Variants in RFX7 observed in about 807,000 individuals in gnomAD.
RFX7 encodes DNA-binding protein RFX7.
A neutral mutation model predicts 111.8 loss-of-function variants in RFX7; 26 were observed. The observed-to-expected ratio is 0.23, with a 90% confidence interval of 0.17 to 0.32. RFX7 has a LOEUF of 0.32. Ranked by LOEUF, RFX7 falls within the 10% of genes least tolerant of loss-of-function variation. The pLI is 1.00. For missense variants in RFX7, 1,573 were observed against 1,772.9 expected, an observed-to-expected ratio of 0.89 and a Z score of 2.02; for synonymous variants, 624 against 624.4, an observed-to-expected ratio of 1.00 and a Z score of 0.01.
At chr15:56,128,030 A>C (rs951156447) in intron 5 of RFX7, among the ~76,000 whole-genome samples, 3 of 152,226 alleles carry the variant, frequency 2.0e-5, no homozygotes, top group South Asian at 4.1e-4. Flanking sequence ...GATAATATAC[A>C]TGAAAGAAAC....
At chr15:56,230,866 G>A (rs1411630068) in intron 2 of RFX7, among the ~76,000 whole-genome samples, 1 of 152,172 alleles carries the variant, frequency 6.6e-6, no homozygotes, top group Admixed American at 6.5e-5. Context: ...AGGCCAAGGT[G>A]GGCAGACCAC....
intron 2 of RFX7, among the ~76,000 whole-genome samples, chr15:56,216,407 T>C (rs1205557316): frequency 6.6e-6 from 1 of 152,206 alleles, no homozygotes; most frequent in Non-Finnish European, 1.5e-5. Flanking sequence ...GTTTTAAAAT[T>C]TATTGGCATC....
At chr15:56,185,531 T>C (rs2043029596) in intron 2 of RFX7, among the ~76,000 whole-genome samples, 1 of 152,184 alleles carries the variant, frequency 6.6e-6, no homozygotes, top group South Asian at 2.1e-4. Context: ...TCTTTGGAAG[T>C]GTCAATTTTT....
chr15:56,148,426 G>C (rs1225897531), intron 3 of RFX7, among the ~76,000 whole-genome samples: 1 of 152,218 alleles, frequency 6.6e-6, no homozygotes, highest in African/African-American at 2.4e-5. Flanking sequence ...AGAAAAGCCT[G>C]TAGCAAACAA....
intron 2 of RFX7, among the ~76,000 whole-genome samples, chr15:56,233,344 C>T (rs1343951638): frequency 6.6e-6 from 1 of 152,112 alleles, no homozygotes; most frequent in East Asian, 1.9e-4. Context: ...TTATTCACTA[C>T]CATGAGAACA....
intron 5 of RFX7, among the ~76,000 whole-genome samples, chr15:56,109,849 G>A (rs2041888563): frequency 6.6e-6 from 1 of 151,908 alleles, no homozygotes; most frequent in African/African-American, 2.4e-5. Flanking sequence ...CCTCCGCCCG[G>A]CAGCCACCCC....
chr15:56,132,306 G>A (rs142033036), intron 5 of RFX7, among the ~76,000 whole-genome samples: 52 of 152,122 alleles, frequency 3.4e-4, no homozygotes, highest in African/African-American at 9.9e-4. Context: ...GAGGAAAGAT[G>A]GGTCCTGTCA....
intron 2 of RFX7, among the ~76,000 whole-genome samples, chr15:56,210,990 G>A (rs1414663452): frequency 6.6e-6 from 1 of 151,850 alleles, no homozygotes; most frequent in African/African-American, 2.4e-5. Context: ...GATAATAAAG[G>A]AATTACATGA....
intron 2 of RFX7, among the ~76,000 whole-genome samples, chr15:56,242,852 C>T (rs1052519362): frequency 3.5e-4 from 53 of 152,178 alleles, no homozygotes; most frequent in African/African-American, 1.3e-3. Flanking sequence ...ATTTCTGTTA[C>T]AATGAGTGAA....
chr15:56,219,315 GGTTA>G lies in RFX7; in HGVS notation c.161+23806_161+23809del, dbSNP rs572619900. Among the ~76,000 whole-genome samples the G allele has an allele frequency of 1.8e-3, 270 of 152,154 alleles. 2 individuals carry two copies. The highest frequency in any genetic ancestry group is 3.1e-3 in the Non-Finnish European group (213 of 67,982). On this transcript the variant is annotated intron_variant, in intron 2 of 9. Transcript: ENST00000559447. ...AATAGAGCCACTCCAGCTTTCTAATGGTTAGTGTTTGCTTAGTACATGTTTTTTC... is the reference window on the plus strand; with the variant it reads ...AATAGAGCCACTCCAGCTTTCTAATGGTGTTTGCTTAGTACATGTTTTTTC...
At position 56,109,984 on chromosome 15, in the gene RFX7, C is replaced by T. The variant is rs867524249; in HGVS notation, c.402-6314G>A. ...GAGGTGGGGGGATCAGCCCCCTGCC[C>T]GGCCAGCCGCCCCGTCCGGGAGGCG... On this transcript the variant is annotated intron_variant, in intron 5 of 9. Transcript: ENST00000559447. Among the ~76,000 whole-genome samples the T allele has an allele frequency of 4.7e-3, 630 of 134,984 alleles. 8 individuals carry two copies. Among genetic ancestry groups the T allele is most frequent in the African/African-American group, 0.017 (599 of 35,808 alleles). The allele number at this position is 134,984 out of a possible 152,430, so 88.6% of individuals were successfully genotyped here.
intron 8 of RFX7, 74 bp from the exon 9 acceptor site, chr15:56,098,450 G>A: frequency 6.9e-7 from 1 of 1,454,166 alleles, no homozygotes; most frequent in South Asian, 1.3e-5. Context: ...GAATTTCTTT[G>A]AGAATGTAGC....
intron 4 of RFX7, among the ~76,000 whole-genome samples, chr15:56,143,190 T>C (rs2042424784): frequency 6.6e-6 from 1 of 152,166 alleles, no homozygotes; most frequent in Non-Finnish European, 1.5e-5. Context: ...TCTGCTCATG[T>C]ACTTACCTGT....
chr15:56,136,223 C>G (rs1363642391), intron 5 of RFX7, among the ~76,000 whole-genome samples: 2 of 148,658 alleles, frequency 1.3e-5, no homozygotes, highest in East Asian at 2.0e-4. Context: ...GCCATTTTCA[C>G]GATATTGATT....
chr15:56,179,696 T>G (rs1021906065), intron 2 of RFX7, among the ~76,000 whole-genome samples: 4 of 151,796 alleles, frequency 2.6e-5, no homozygotes, highest in Admixed American at 6.6e-5. Context: ...CATAACGATG[T>G]ACTACAATCT....
Position 56,096,881 on chromosome 15 carries a change from T to A in RFX7, c.1108-261A>T, listed in dbSNP as rs114897201. 7.9e-3 allele frequency among the ~76,000 whole-genome samples: 1,206 copies of A among 152,282 alleles called. 18 individuals are homozygous for A. Among genetic ancestry groups the A allele is most frequent in the African/African-American group, 0.028 (1,155 of 41,548 alleles). On this transcript the variant is annotated intron_variant, in intron 9 of 9. Coordinates refer to ENST00000559447, the MANE Select transcript of RFX7 (RefSeq NM_022841.7). ...CAATTAAGACTAAAAGCTTCACACC[T>A]GTGATGAATATTTGCTGAAACAATG...
chr15:56,244,782 T>G (rs374660865), upstream of RFX7, among the ~76,000 whole-genome samples: 1 of 151,900 alleles, frequency 6.6e-6, no homozygotes, highest in East Asian at 1.9e-4. Flanking sequence ...TTGGAGCCCG[T>G]TGAACACCCG....
At chr15:56,105,230 C>A (rs754065659) in intron 5 of RFX7, among the ~76,000 whole-genome samples, 3 of 152,146 alleles carry the variant, frequency 2.0e-5, no homozygotes, top group Admixed American at 1.3e-4. Flanking sequence ...ACTAAAGCAA[C>A]GTCCTCATGT....
chr15:56,205,274 T>C (rs1220738737), intron 2 of RFX7, among the ~76,000 whole-genome samples: 3 of 152,208 alleles, frequency 2.0e-5, no homozygotes, highest in Admixed American at 6.5e-5. Context: ...TTCCAGTGGG[T>C]AGGAAAAGGC....
Sources: gnomAD v4.1 joint callset for allele counts (sites outside exome capture counted in the v4.1 genomes callset) on GRCh38, gnomAD v4.1.1 for gene constraint, MANE v1.5 for transcripts, NCBI Gene and HGNC (gene_info 2026-07-23, HGNC 2026-07-21) for gene names.